Variants in DTWD2 observed in about 807,000 individuals in gnomAD.
DTWD2 encodes the protein DTW motif tRNA-uridine aminocarboxypropyltransferase 2.
A neutral mutation model predicts 31.8 loss-of-function variants in DTWD2; 39 were observed. The ratio of observed to expected loss-of-function variants is 1.22; its 90% confidence interval spans 0.95 to 1.60. The LOEUF is 1.60. Among genes scored for constraint, DTWD2 ranks in the 40% most tolerant of loss-of-function variants. The probability of loss-of-function intolerance (pLI) is 0.00; values close to 1 mark genes in which losing one functional copy is unlikely to be tolerated. For synonymous variants in DTWD2, 180 were observed against 142.8 expected, an observed-to-expected ratio of 1.26 and a Z score of -1.86; for missense variants, 515 against 381.5, an observed-to-expected ratio of 1.35 and a Z score of -2.92.
chr5:118,986,163 T>C (rs1223140469), intron 1 of DTWD2, among the ~76,000 whole-genome samples: 1 of 152,088 alleles, frequency 6.6e-6, no homozygotes, highest in Non-Finnish European at 1.5e-5. Flanking sequence ...ATACATACTC[T>C]GGGGAGATCA....
intron 2 of DTWD2, 87 bp downstream of exon 2, chr5:118,944,472 A>T: frequency 1.5e-6 from 2 of 1,299,258 alleles, no homozygotes; most frequent in South Asian, 2.6e-5. Context: ...AATGCTAAAG[A>T]GCTGGTAAGG....
intron 4 of DTWD2, among the ~76,000 whole-genome samples, chr5:118,923,512 G>A (rs1753748299): frequency 1.3e-5 from 2 of 152,302 alleles, no homozygotes; most frequent in African/African-American, 4.8e-5. Context: ...AGCTCCAAGG[G>A]TAAGGGAGGC....
intron 1 of DTWD2, among the ~76,000 whole-genome samples, chr5:118,973,513 A>G (rs1580449331): frequency 6.6e-6 from 1 of 152,282 alleles, no homozygotes; most frequent in East Asian, 1.9e-4. Context: ...TTCACTTATG[A>G]AGCTTAGTTT....
intron 3 of DTWD2, 58 bp from the exon 4 acceptor site, chr5:118,928,787 T>TA (rs1181118089): frequency 2.3e-5 from 31 of 1,343,028 alleles, no homozygotes; most frequent in Non-Finnish European, 3.0e-5. Context: ...AAGGTTTTAT[T>TA]ATGCTTACTG....
chr5:118,871,508 G>A (rs1752503801), intron 4 of DTWD2, among the ~76,000 whole-genome samples: 1 of 152,100 alleles, frequency 6.6e-6, no homozygotes, highest in Admixed American at 6.5e-5. Context: ...CTTGATCCAC[G>A]GCTGCAGAAA....
chr5:118,855,640 A>C (rs1042810091), intron 4 of DTWD2, among the ~76,000 whole-genome samples: 1 of 152,200 alleles, frequency 6.6e-6, no homozygotes, highest in African/African-American at 2.4e-5. Context: ...TTTAGTATCA[A>C]GACTGACATG....
chr5:118,957,723 C>A (rs1401616763), intron 1 of DTWD2, among the ~76,000 whole-genome samples: 1 of 152,170 alleles, frequency 6.6e-6, no homozygotes, highest in Non-Finnish European at 1.5e-5. Context: ...CCCCAGAGGG[C>A]ATGCCTAGAG....
At chr5:118,910,293 A>G (rs1753430555) in intron 4 of DTWD2, among the ~76,000 whole-genome samples, 1 of 152,232 alleles carries the variant, frequency 6.6e-6, no homozygotes, top group Non-Finnish European at 1.5e-5. Context: ...TCCACCAAAT[A>G]TACTTTTTCA....
chr5:118,961,165 G>C (rs957121505), intron 1 of DTWD2, among the ~76,000 whole-genome samples: 11 of 152,134 alleles, frequency 7.2e-5, no homozygotes, highest in African/African-American at 2.7e-4. Flanking sequence ...TGTCTAGAGA[G>C]ATGAATATAT....
rs188819779 is a variant in DTWD2 at position 118,963,144 on chromosome 5, G to A, written c.219-18495C>T. 3.1e-4 allele frequency among the ~76,000 whole-genome samples: 47 copies of A among 152,318 alleles called. 1 individual carries two copies. Among genetic ancestry groups the A allele is most frequent in the South Asian group, 1.7e-3 (8 of 4,826 alleles). ...TTAAGGATATGTGGTTAAAGATACC[G>A]TAAGAAATACGAAGAGGCTGACCCA... On this transcript the variant is annotated intron_variant, in intron 1 of 5. Coordinates refer to ENST00000510708, the MANE Select transcript of DTWD2 (RefSeq NM_173666.4).
intron 4 of DTWD2, among the ~76,000 whole-genome samples, chr5:118,923,727 C>A (rs927587824): frequency 1.3e-5 from 2 of 152,162 alleles, no homozygotes; most frequent in African/African-American, 4.8e-5. Context: ...GGTCTCTTTT[C>A]CTGCTTTATG....
chr5:118,907,216 T>G (rs923297417), intron 4 of DTWD2, among the ~76,000 whole-genome samples: 18 of 152,258 alleles, frequency 1.2e-4, no homozygotes, highest in Admixed American at 6.5e-5. Flanking sequence ...GCTTTGCCAT[T>G]AACTAGCTGA....
chr5:118,841,139 T>G (rs1254418320), intron 5 of DTWD2, 52 bp from the exon 6 acceptor site: 2 of 1,544,968 alleles, frequency 1.3e-6, no homozygotes, highest in Non-Finnish European at 1.7e-6. Context: ...ATCATGATAT[T>G]CTATCTATAT....
At chr5:118,867,955 T>A (rs1752415845) in intron 4 of DTWD2, among the ~76,000 whole-genome samples, 5 of 152,060 alleles carry the variant, frequency 3.3e-5, no homozygotes, top group Admixed American at 3.3e-4. Flanking sequence ...CTCAATAAAC[T>A]GCAAATAGTC....
chr5:118,959,486 G>T (rs1184019387), intron 1 of DTWD2, among the ~76,000 whole-genome samples: 1 of 152,150 alleles, frequency 6.6e-6, no homozygotes, highest in Non-Finnish European at 1.5e-5. Context: ...CCAAGCTCAT[G>T]GATAGGAAGA....
At chr5:118,853,010 C>T (rs1383070219) in intron 4 of DTWD2, among the ~76,000 whole-genome samples, 1 of 152,058 alleles carries the variant, frequency 6.6e-6, no homozygotes, top group African/African-American at 2.4e-5. Context: ...AAGTTAAGTA[C>T]TGGGTACACA....
chr5:118,931,122 G>C (rs1232312439), intron 3 of DTWD2, among the ~76,000 whole-genome samples: 1 of 152,034 alleles, frequency 6.6e-6, no homozygotes, highest in Admixed American at 6.6e-5. Flanking sequence ...AGGCCAGGCA[G>C]TGGCTCACCC....
chr5:118,938,673 C>T (rs1231898652), intron 3 of DTWD2, among the ~76,000 whole-genome samples: 4 of 151,802 alleles, frequency 2.6e-5, no homozygotes, highest in Non-Finnish European at 5.9e-5. Flanking sequence ...AAAATTGCAC[C>T]ACTGCACTCC....
At chr5:118,916,504 A>G (rs1012153565) in intron 4 of DTWD2, among the ~76,000 whole-genome samples, 8 of 152,114 alleles carry the variant, frequency 5.3e-5, no homozygotes, top group African/African-American at 1.9e-4. Context: ...CATCTCTAAT[A>G]AAAATACAAA....
Sources: gnomAD v4.1 joint callset for allele counts (sites outside exome capture counted in the v4.1 genomes callset) on GRCh38, gnomAD v4.1.1 for gene constraint, MANE v1.5 for transcripts, NCBI Gene and HGNC (gene_info 2026-07-23, HGNC 2026-07-21) for gene names.